The following SLC13A2 variants were observed in gnomAD, a reference collection of about 807,000 sequenced individuals.
SLC13A2 encodes the protein Na(+)-coupled citrate transporter.
A neutral mutation model predicts 58.5 loss-of-function variants in SLC13A2; 40 were observed. That is an observed-to-expected ratio of 0.68 (90% confidence interval 0.53 to 0.89). The LOEUF is 0.89. Ranked by LOEUF, SLC13A2 falls within the 40% of genes least tolerant of loss-of-function variation. The probability of loss-of-function intolerance (pLI) is 0.00; values close to 1 mark genes in which losing one functional copy is unlikely to be tolerated. For missense variants in SLC13A2, 694 were observed against 772.6 expected (o/e 0.90, Z 1.21); for synonymous variants, 341 against 331.6 (o/e 1.03, Z -0.31).
At chr17:28,485,493 G>T (rs1189570481) in intron 1 of SLC13A2, among the ~76,000 whole-genome samples, 1 of 152,104 alleles carries the variant, frequency 6.6e-6, no homozygotes, top group South Asian at 2.1e-4. Context: ...CCTTGTAATT[G>T]GATATACTGT....
intron 1 of SLC13A2, among the ~76,000 whole-genome samples, chr17:28,484,592 G>A (rs1311267484): frequency 2.6e-5 from 4 of 152,178 alleles, no homozygotes; most frequent in Non-Finnish European, 5.9e-5. Flanking sequence ...TGTGTGCTGG[G>A]GGAGGGGAGG....
chr17:28,493,991 C>T (rs1555604116), intron 7 of SLC13A2, 26 bp from the exon 8 acceptor site: 1 of 1,608,000 alleles, frequency 6.2e-7, no homozygotes, highest in East Asian at 2.2e-5. Context: ...CTAACCCAGC[C>T]CTCCCCGCGC....
chr17:28,491,799 C>T lies in SLC13A2; in HGVS notation c.825C>T (p.Val275=). 6.2e-7 allele frequency: 1 copy of T among 1,614,204 alleles called. No individual in the cohort carries two copies. Among genetic ancestry groups the T allele is most frequent in the East Asian group, 2.2e-5 (1 of 44,888 alleles). ...TCAGCTTCGCCTTCCCCACCATGGT[C>T]ATCTTGCTGCTGCTGGCCTGGTTGT... ...SWFSFAFPTM[V]ILLLLAWLWL... is the part of the protein sequence containing the mutation. Residue 275 remains valine, a synonymous_variant, in exon 6 of 12, where the codon GTC becomes GTT. Coordinates refer to ENST00000314669, the MANE Select transcript of SLC13A2 (RefSeq NM_003984.4).
Position 28,477,983 on chromosome 17 carries a change from G to A in SLC13A2, c.102+4169G>A, listed in dbSNP as rs201647230. 3.6e-4 allele frequency among the ~76,000 whole-genome samples: 55 copies of A among 152,192 alleles called. No homozygotes were observed. In the East Asian group the frequency reaches 6.6e-3, roughly 18 times the overall value. ...TGGGGCAGGAGAATCGCTTGAACCCGGGAGGCGGAGGTTGCAGTGAGCTGA... is the reference window on the plus strand; with the variant it reads ...TGGGGCAGGAGAATCGCTTGAACCCAGGAGGCGGAGGTTGCAGTGAGCTGA... On this transcript the variant is annotated intron_variant, in intron 1 of 11. Transcript: ENST00000314669.
At chr17:28,487,679 C>T (rs2068907503) in intron 1 of SLC13A2, 1 of 622,608 alleles carries the variant, frequency 1.6e-6, no homozygotes, top group Non-Finnish European at 2.0e-6. Context: ...GCCATTCAGT[C>T]ATTGCGGGTG....
chr17:28,489,420 A>C (rs922511952), intron 2 of SLC13A2, 78 bp downstream of exon 2: 1 of 1,500,968 alleles, frequency 6.7e-7, no homozygotes, highest in Admixed American at 2.0e-5. Flanking sequence ...CCTTGTTGAC[A>C]AAGGAAGCCT....
Position 28,489,347 on chromosome 17 carries a change from GC to G in SLC13A2, c.231+9del. On this transcript the variant is annotated splice_donor_region_variant and intron_variant, in intron 2 of 11. Transcript: ENST00000314669. ...GGCATCGTGGATGCCTCTGAGGTGA[GC>G]CCCATCCATAGGAGAAAGCGTTCTG... The G allele has an allele frequency of 6.2e-7, 1 of 1,611,722 alleles. No homozygotes were observed. Among genetic ancestry groups the G allele is most frequent in the Non-Finnish European group, 8.5e-7 (1 of 1,178,918 alleles).
intron 1 of SLC13A2, among the ~76,000 whole-genome samples, chr17:28,483,687 C>G (rs2068827795): frequency 6.6e-6 from 1 of 152,196 alleles, no homozygotes; most frequent in African/African-American, 2.4e-5. Flanking sequence ...TGTTAGCTCT[C>G]TTCGTCCTTA....
In SLC13A2 at chr17:28,491,349, AGGTACCCT is replaced by A. The variant is rs2069014635; in HGVS notation, c.575-85_575-78del. 9 of 1,445,214 alleles carry A rather than the reference AGGTACCCT, an allele frequency of 6.2e-6. No individual in the cohort carries two copies. The Admixed American group carries it at 1.6e-4, about 26-fold the overall frequency. 89.5% of individuals were successfully genotyped at this position (1,445,214 alleles called of 1,614,324 possible). A position where few individuals can be genotyped will look rare whatever the true frequency, so the allele number is the denominator to read the frequency against. On this transcript the variant is annotated intron_variant, in intron 4 of 11. Coordinates refer to ENST00000314669, the MANE Select transcript of SLC13A2 (RefSeq NM_003984.4). ...CCCCGGTCTGGGCTGTTCACAGACA[AGGTACCCT>A]GGAGGGCCTTGCAGCCCTGGCCCCG...
chr17:28,496,934 A>G lies in SLC13A2; in HGVS notation c.1609-165A>G, dbSNP rs1041652827. On this transcript the variant is annotated intron_variant, in intron 11 of 11. Transcript: ENST00000314669. This position sits in a 1 kb window ranked among gnomAD's most constrained non-coding sequence, Gnocchi z 4.2. ...TTTCCCCTGTTAGCACAGGGAGTAA[A>G]GCAAGGGGCAAAGGCATTGGCTATG... 1.2e-4 allele frequency among the ~76,000 whole-genome samples: 18 copies of G among 152,194 alleles called. No homozygotes were observed. The highest frequency in any genetic ancestry group is 2.1e-4 in the Non-Finnish European group (14 of 68,032).
At chr17:28,478,301 G>A (rs1462116232) in intron 1 of SLC13A2, among the ~76,000 whole-genome samples, 1 of 152,338 alleles carries the variant, frequency 6.6e-6, no homozygotes, top group South Asian at 2.1e-4. Flanking sequence ...CTGTCAGTCA[G>A]TCCTCCCACC....
Position 28,493,708 on chromosome 17 carries a change from T to C in SLC13A2, c.1016T>C (p.Leu339Pro), listed in dbSNP as rs782183246. The change falls in exon 7 of 12, where the codon CTG becomes CCG. Residue 339 changes from leucine to proline, a missense_variant. Coordinates refer to ENST00000314669, the MANE Select transcript of SLC13A2 (RefSeq NM_003984.4). ...GCCATCAGCATCCTATTCGTCATCCTGGTGCTGCTCTGGTTCACCCGGGAG... is the reference window on the plus strand; with the variant it reads ...GCCATCAGCATCCTATTCGTCATCCCGGTGCTGCTCTGGTTCACCCGGGAG... The part of the protein sequence containing the change: ...EKAISILFVI[L>P]VLLWFTREPG... 1.9e-6 allele frequency: 3 copies of C among 1,614,120 alleles called. No individual in the cohort carries two copies. Among genetic ancestry groups the C allele is most frequent in the Non-Finnish European group, 2.5e-6 (3 of 1,180,046 alleles).
Position 28,490,492 on chromosome 17 carries a change from C to A in SLC13A2, c.270C>A (p.Phe90Leu). 2.2e-5 allele frequency: 35 copies of A among 1,614,134 alleles called. No individual in the cohort carries two copies. Among genetic ancestry groups the A allele is most frequent in the Non-Finnish European group, 3.0e-5 (35 of 1,180,036 alleles). Residue 90 changes from phenylalanine to leucine, a missense_variant, in exon 3 of 12, where the codon TTC (phenylalanine) becomes TTA (leucine). Coordinates refer to ENST00000314669, the MANE Select transcript of SLC13A2 (RefSeq NM_003984.4). ...VEYLKDSNLL[F>L]FGGLLVAIAV... ...ATCTTAAGGACTCCAACCTCCTGTT[C>A]TTCGGGGGGCTGCTGGTGGCCATCG...
chr17:28,491,681 G>A (rs1437008291), intron 5 of SLC13A2, 49 bp from the exon 6 acceptor site: 1 of 1,610,254 alleles, frequency 6.2e-7, no homozygotes. Flanking sequence ...GAATGGGGCT[G>A]GGCAGTTCTC....
At chr17:28,478,428 A>C (rs943158851) in intron 1 of SLC13A2, among the ~76,000 whole-genome samples, 1 of 152,378 alleles carries the variant, frequency 6.6e-6, no homozygotes, top group Admixed American at 6.5e-5. Context: ...AGGTGTTTAC[A>C]CCACACAAAG....
chr17:28,480,592 G>T, intron 1 of SLC13A2, among the ~76,000 whole-genome samples: 1 of 152,094 alleles, frequency 6.6e-6, no homozygotes, highest in Non-Finnish European at 1.5e-5. Context: ...TGACCTGACC[G>T]AGCCTCTTCA....
At chr17:28,479,701 A>G (rs1039751392) in intron 1 of SLC13A2, among the ~76,000 whole-genome samples, 5 of 152,228 alleles carry the variant, frequency 3.3e-5, no homozygotes, top group African/African-American at 7.2e-5. Flanking sequence ...ATGCATAAAC[A>G]TTACATGTGT....
intron 1 of SLC13A2, among the ~76,000 whole-genome samples, chr17:28,481,476 G>A (rs1448080460): frequency 2.0e-5 from 3 of 152,234 alleles, no homozygotes; most frequent in Admixed American, 2.0e-4. Flanking sequence ...TCCAGTGCAT[G>A]CTGTTGGGCA....
intron 1 of SLC13A2, among the ~76,000 whole-genome samples, chr17:28,476,124 G>A (rs1186482084): frequency 2.0e-5 from 3 of 152,064 alleles, no homozygotes; most frequent in Non-Finnish European, 4.4e-5. Context: ...CCAAAAACTC[G>A]GGGGCATTCT....
Sources: allele counts gnomAD v4.1 joint callset (sites outside exome capture counted in the v4.1 genomes callset), GRCh38; gene constraint gnomAD v4.1.1; non-coding constraint Gnocchi (gnomAD v3.1); transcripts MANE v1.5; gene names NCBI Gene and HGNC (gene_info 2026-07-23, HGNC 2026-07-21).